The following BMPR1B variants were observed in gnomAD, a reference collection of about 807,000 sequenced individuals.
BMPR1B encodes the protein bone morphogenetic protein receptor type 1B.
In BMPR1B, 12 loss-of-function variants were observed where a neutral mutation model predicts 59.1. That is an observed-to-expected ratio of 0.20 (90% CI 0.13 to 0.33). The LOEUF is 0.33. BMPR1B is among the 10% of genes least tolerant of loss of function. The probability of loss-of-function intolerance (pLI) is 1.00; values close to 1 mark genes in which losing one functional copy is unlikely to be tolerated. For missense variants in BMPR1B, 550 were observed against 610.9 expected, an observed-to-expected ratio of 0.90 and a Z score of 1.05; for synonymous variants, 237 against 207.3, an observed-to-expected ratio of 1.14 and a Z score of -1.23.
intron 1 of BMPR1B, among the ~76,000 whole-genome samples, chr4:94,843,487 G>A (rs1287295972): frequency 6.6e-6 from 1 of 152,140 alleles, no homozygotes; most frequent in African/African-American, 2.4e-5. Context: ...AACTTCAGAT[G>A]AATGGTAATG....
chr4:95,045,025 A>C (rs552196470), intron 3 of BMPR1B, among the ~76,000 whole-genome samples: 1 of 152,314 alleles, frequency 6.6e-6, no homozygotes, highest in South Asian at 2.1e-4. Context: ...TTTTAGTGCA[A>C]AGCTCTTGGT....
chr4:94,979,530 A>G (rs920912), intron 2 of BMPR1B, among the ~76,000 whole-genome samples: 145,284 of 152,258 alleles, frequency 0.95, 69,348 homozygotes, highest in Middle Eastern at 0.99. Flanking sequence ...TTAAGTGGCA[A>G]TAGTTTTAAC....
intron 6 of BMPR1B, 44 bp downstream of exon 6, chr4:95,115,831 T>A (rs1383971477): frequency 6.5e-7 from 1 of 1,529,586 alleles, no homozygotes; most frequent in African/African-American, 1.4e-5. Context: ...CTAGGTATCA[T>A]GAAAATAAAA....
At position 95,030,706 on chromosome 4, in the gene BMPR1B, A is replaced by G. The variant is rs1274105763; in HGVS notation, c.-18+34572A>G. ...ACAAAATCAATGTACAAAAATCACA[A>G]GCATTCTTATACACCAATAACAGAC... On this transcript the variant is annotated intron_variant, in intron 3 of 12. Transcript: ENST00000515059. 5.9e-5 allele frequency among the ~76,000 whole-genome samples: 9 copies of G among 152,162 alleles called. 1 individual carries two copies. Among genetic ancestry groups the G allele is most frequent in the African/African-American group, 2.4e-5 (1 of 41,460 alleles).
chr4:95,051,816 G>A lies in BMPR1B; in HGVS notation c.-17-52592G>A, dbSNP rs904390765. ...TCCACTACAGTGCTGATGGGGCTGAGTTAGAGTCTGATTTCGTGGCTTTTA... is the reference window on the plus strand; with the variant it reads ...TCCACTACAGTGCTGATGGGGCTGAATTAGAGTCTGATTTCGTGGCTTTTA... On this transcript the variant is annotated intron_variant, in intron 3 of 12. Coordinates refer to ENST00000515059, the MANE Select transcript of BMPR1B (RefSeq NM_001203.3). 26 of 1,515,788 alleles carry A rather than the reference G, an allele frequency of 1.7e-5. No homozygotes were observed. The Admixed American group carries it at 5.1e-4, about 30-fold the overall frequency. The allele number at this position is 1,515,788 out of a possible 1,614,324, so 93.9% of individuals were successfully genotyped here. A position where few individuals can be genotyped will look rare whatever the true frequency, so the allele number is the denominator to read the frequency against.
chr4:94,966,277 T>G (rs1298355082), intron 2 of BMPR1B, among the ~76,000 whole-genome samples: 1 of 152,140 alleles, frequency 6.6e-6, no homozygotes, highest in Non-Finnish European at 1.5e-5. Context: ...CCTACCTAAG[T>G]GAAAGTGAGA....
intron 1 of BMPR1B, among the ~76,000 whole-genome samples, chr4:94,775,983 C>T (rs1048019254): frequency 6.6e-6 from 1 of 150,466 alleles, no homozygotes; most frequent in Non-Finnish European, 1.5e-5. Context: ...CCCAGCTACT[C>T]GGGAGACTGA....
At chr4:95,142,989 C>A (rs923213665) in intron 10 of BMPR1B, among the ~76,000 whole-genome samples, 2 of 152,062 alleles carry the variant, frequency 1.3e-5, no homozygotes, top group Non-Finnish European at 2.9e-5. Context: ...TTTGCCTGCC[C>A]TCATTTAATG....
At chr4:94,857,643 C>A (rs1725811518) in intron 1 of BMPR1B, among the ~76,000 whole-genome samples, 1 of 152,128 alleles carries the variant, frequency 6.6e-6, no homozygotes, top group African/African-American at 2.4e-5. Context: ...ATTTGGGAAG[C>A]TGCTTGCTAC....
At chr4:95,107,173 G>A (rs1239892122) in intron 4 of BMPR1B, among the ~76,000 whole-genome samples, 1 of 152,040 alleles carries the variant, frequency 6.6e-6, no homozygotes, top group African/African-American at 2.4e-5. Flanking sequence ...TAATGCTTGG[G>A]TAAAGGGGAT....
intron 2 of BMPR1B, among the ~76,000 whole-genome samples, chr4:94,974,777 C>T (rs144805462): frequency 5.1e-4 from 78 of 152,254 alleles, no homozygotes; most frequent in Middle Eastern, 3.4e-3. Context: ...AGGCAGGGAA[C>T]ATAATAAGCA....
chr4:94,958,695 T>G (rs1469569509), intron 2 of BMPR1B, among the ~76,000 whole-genome samples: 1 of 152,208 alleles, frequency 6.6e-6, no homozygotes, highest in African/African-American at 2.4e-5. Context: ...ACAATTCAGC[T>G]CATAACAGTA....
intron 1 of BMPR1B, among the ~76,000 whole-genome samples, chr4:94,807,887 G>A (rs1723671046): frequency 6.6e-6 from 1 of 152,110 alleles, no homozygotes; most frequent in African/African-American, 2.4e-5. Flanking sequence ...GTTTTTCCAT[G>A]TTGGCCAGGC....
chr4:95,039,376 T>G (rs1413887726), intron 3 of BMPR1B, among the ~76,000 whole-genome samples: 3 of 152,078 alleles, frequency 2.0e-5, no homozygotes, highest in African/African-American at 7.2e-5. Flanking sequence ...GCTGTGAAAT[T>G]TTCTGATTAA....
At chr4:94,817,514 C>A (rs1724054591) in intron 1 of BMPR1B, among the ~76,000 whole-genome samples, 1 of 151,950 alleles carries the variant, frequency 6.6e-6, no homozygotes, top group Non-Finnish European at 1.5e-5. Context: ...CTTAGAGCCT[C>A]CTTTTTTTTT....
At chr4:94,872,197 A>G (rs1726526922) in intron 1 of BMPR1B, among the ~76,000 whole-genome samples, 2 of 152,216 alleles carry the variant, frequency 1.3e-5, no homozygotes, top group Admixed American at 1.3e-4. Context: ...AAAATCTTTT[A>G]GCTTCTATAG....
intron 1 of BMPR1B, 146 bp downstream of exon 1, chr4:94,758,214 C>T (rs1229020029): frequency 2.0e-5 from 3 of 151,168 alleles, no homozygotes; most frequent in Non-Finnish European, 4.4e-5. Context: ...CGGCGGTCGC[C>T]CTAGGCAGGA....
intron 1 of BMPR1B, among the ~76,000 whole-genome samples, chr4:94,861,967 T>C (rs1241922029): frequency 6.6e-6 from 1 of 152,190 alleles, no homozygotes; most frequent in Non-Finnish European, 1.5e-5. Flanking sequence ...ATTTACTGCT[T>C]ATTTGACTTT....
rs1722718163 is a variant in BMPR1B, at chr4:95,004,921, A to G, written c.-18+8787A>G. 2.6e-5 allele frequency among the ~76,000 whole-genome samples: 4 copies of G among 152,340 alleles called. No homozygotes were observed. In the South Asian group the frequency reaches 6.2e-4, roughly 24 times the overall value. On this transcript the variant is annotated intron_variant, in intron 3 of 12. Transcript: ENST00000515059. ...TTAAATAAGCCAAGATACAATGCAT[A>G]TAGTCTTCTGAGTTATTCATTAATA...
Sources: allele counts gnomAD v4.1 joint callset (sites outside exome capture counted in the v4.1 genomes callset), GRCh38; gene constraint gnomAD v4.1.1; transcripts MANE v1.5; gene names NCBI Gene and HGNC (gene_info 2026-07-23, HGNC 2026-07-21).